The following RBFOX2 variants were observed in gnomAD, a reference collection of about 807,000 sequenced individuals.
RBFOX2 encodes RNA binding protein fox-1 homolog 2.
A neutral mutation model predicts 49.1 loss-of-function variants in RBFOX2; 10 were observed. That is an observed-to-expected ratio of 0.20 (90% CI 0.13 to 0.35). The LOEUF (loss-of-function observed/expected upper bound fraction) is 0.35. RBFOX2 is among the 10% of genes least tolerant of loss of function. The pLI, the probability that RBFOX2 is intolerant of heterozygous loss-of-function variation, is 1.00. For synonymous variants in RBFOX2, 183 were observed against 187.4 expected (o/e 0.98, Z 0.19); for missense variants, 323 against 486.9 (o/e 0.66, Z 3.17).
chr22:35,767,802 G>A (rs1266595094), intron 5 of RBFOX2, among the ~76,000 whole-genome samples: 3 of 152,142 alleles, frequency 2.0e-5, no homozygotes, highest in Admixed American at 2.0e-4. Context: ...AGGCGAACTG[G>A]CCTCCCAAGA....
chr22:36,000,346 A>T (rs1489229235), intron 1 of RBFOX2: 2 of 152,180 alleles, frequency 1.3e-5, no homozygotes, highest in African/African-American at 4.8e-5. Flanking sequence ...ACTATGTTTA[A>T]ACATAAAGTT....
At chr22:36,002,478 G>A (rs1327055715) in intron 1 of RBFOX2, among the ~76,000 whole-genome samples, 1 of 152,198 alleles carries the variant, frequency 6.6e-6, no homozygotes, top group East Asian at 1.9e-4. Context: ...GTTCTCTAAG[G>A]TGTTTTGTTC....
At chr22:35,928,834 T>G (rs1480654433) in intron 1 of RBFOX2, among the ~76,000 whole-genome samples, 1 of 152,244 alleles carries the variant, frequency 6.6e-6, no homozygotes, top group East Asian at 1.9e-4. Flanking sequence ...GATAAGCACA[T>G]GAAAAGGTAC....
chr22:35,772,734 T>C (rs549698622), intron 4 of RBFOX2, among the ~76,000 whole-genome samples: 83 of 152,198 alleles, frequency 5.5e-4, no homozygotes, highest in Non-Finnish European at 7.8e-4. Flanking sequence ...TTAAAACTTC[T>C]ACAAAGTGTG....
At chr22:35,827,180 T>C (rs970662296) in intron 1 of RBFOX2, among the ~76,000 whole-genome samples, 6 of 152,246 alleles carry the variant, frequency 3.9e-5, no homozygotes, top group African/African-American at 1.4e-4. Flanking sequence ...TATTGCTTAT[T>C]GAGGTTTTCT....
chr22:35,824,211 A>C (rs1325420377), intron 1 of RBFOX2: 1 of 152,190 alleles, frequency 6.6e-6, no homozygotes, highest in Non-Finnish European at 1.5e-5. Context: ...TGCCATCTAC[A>C]AACACACCCA....
upstream of RBFOX2, among the ~76,000 whole-genome samples, chr22:35,943,659 G>A (rs902166889): frequency 2.6e-5 from 4 of 152,298 alleles, no homozygotes; most frequent in South Asian, 2.1e-4. Flanking sequence ...AGCACTTTGC[G>A]AGGCTGAGGT....
chr22:35,999,780 G>A (rs1444182375), intron 1 of RBFOX2: 2 of 152,032 alleles, frequency 1.3e-5, no homozygotes, highest in Admixed American at 1.3e-4. Flanking sequence ...TACTGTCCAT[G>A]CTTAGCAGAC....
intron 1 of RBFOX2, among the ~76,000 whole-genome samples, chr22:35,831,898 T>C (rs892884427): frequency 1.3e-5 from 2 of 152,202 alleles, no homozygotes; most frequent in Admixed American, 1.3e-4. Flanking sequence ...CTTTGAGGGA[T>C]CAGGGCAAGA....
At chr22:36,018,578 C>T (rs897983413) in intron 1 of RBFOX2, among the ~76,000 whole-genome samples, 4 of 152,142 alleles carry the variant, frequency 2.6e-5, no homozygotes, top group African/African-American at 9.7e-5. Flanking sequence ...AAAACACAAG[C>T]TCTCAAAAGA....
At chr22:35,800,125 A>G (rs1396107540) in intron 2 of RBFOX2, among the ~76,000 whole-genome samples, 1 of 152,230 alleles carries the variant, frequency 6.6e-6, no homozygotes, top group African/African-American at 2.4e-5. Context: ...GATTTATTCA[A>G]GACAATTATT....
At chr22:35,972,087 G>A (rs1290297116) in intron 1 of RBFOX2, among the ~76,000 whole-genome samples, 1 of 151,834 alleles carries the variant, frequency 6.6e-6, no homozygotes, top group African/African-American at 2.4e-5. Flanking sequence ...AGTCATATAA[G>A]AACATAAAGC....
rs988706141 is a variant in RBFOX2 at position 35,852,844 on chromosome 22, T to C, written c.-33-42840A>G. On this transcript the variant is annotated intron_variant, in intron 1 of 13. Transcript: ENST00000359369. ...TTCCCAGATGCTGTTGTATTTAAGA[T>C]GAAAGACTGTAATTCAAATCCTAAA... is the stretch of plus-strand genomic sequence containing the variant. 3.9e-5 allele frequency among the ~76,000 whole-genome samples: 6 copies of C among 152,336 alleles called. 1 individual carries two copies. In the South Asian group the frequency reaches 1.2e-3, roughly 32 times the overall value.
chr22:35,965,585 A>G (rs1268294486), upstream of RBFOX2, among the ~76,000 whole-genome samples: 1 of 152,192 alleles, frequency 6.6e-6, no homozygotes, highest in African/African-American at 2.4e-5. Context: ...TAGAATGAAA[A>G]TGTCCTTCTT....
chr22:35,927,604 C>CA (rs361700), intron 1 of RBFOX2, among the ~76,000 whole-genome samples: 11,077 of 48,860 alleles, frequency 0.23, 1,242 homozygotes, highest in Non-Finnish European at 0.29. Flanking sequence ...AACTCCGTCT[C>CA]AAAAAAAAAA....
At chr22:35,775,841 C>CAAAAAAAAAAAAAAAAAAAA (rs753116056) in intron 4 of RBFOX2, among the ~76,000 whole-genome samples, 15 of 56,154 alleles carry the variant, frequency 2.7e-4, no homozygotes, top group African/African-American at 5.0e-4. Context: ...GAATCTGCCT[C>CAAAAAAAAAAAAAAAAAAAA]AAAAAAAAAA....
At chr22:35,921,396 G>A (rs2051007892) in intron 1 of RBFOX2, among the ~76,000 whole-genome samples, 1 of 152,168 alleles carries the variant, frequency 6.6e-6, no homozygotes, top group African/African-American at 2.4e-5. Context: ...AGTAAGTCTG[G>A]GGAAGAGGCA....
chr22:35,953,718 A>T (rs2055230127), intron 1 of RBFOX2, among the ~76,000 whole-genome samples: 2 of 152,220 alleles, frequency 1.3e-5, no homozygotes, highest in African/African-American at 4.8e-5. Context: ...ACCACAGTAC[A>T]AATGAAGAAA....
At chr22:35,747,365 T>C (rs1345316626) in intron 9 of RBFOX2, 1 of 152,248 alleles carries the variant, frequency 6.6e-6, no homozygotes, top group Non-Finnish European at 1.5e-5. Flanking sequence ...TGCATTTTCC[T>C]TCCCTAAAAG....
Sources: gnomAD v4.1 joint callset for allele counts (sites outside exome capture counted in the v4.1 genomes callset) on GRCh38, gnomAD v4.1.1 for gene constraint, MANE v1.5 for transcripts, NCBI Gene and HGNC (gene_info 2026-07-23, HGNC 2026-07-21) for gene names.